DNM3: variants seen among roughly 807,000 people sequenced by gnomAD.
DNM3 encodes the protein dynamin-3.
Under a neutral mutation model 101.6 loss-of-function variants are expected in DNM3, and 47 were observed. The observed-to-expected ratio is 0.46, with a 90% CI of 0.37 to 0.59. The LOEUF (loss-of-function observed/expected upper bound fraction) is 0.59, where lower values mean the gene tolerates loss of function less well. Ranked by LOEUF, DNM3 falls within the 20% of genes least tolerant of loss-of-function variation. DNM3 has a pLI of 0.00. For synonymous variants in DNM3, 385 were observed against 387.9 expected (o/e 0.99, Z 0.09); for missense variants, 849 against 1,085.7 (o/e 0.78, Z 3.06).
chr1:171,968,747 C>A (rs781210911), intron 2 of DNM3, among the ~76,000 whole-genome samples: 4 of 152,034 alleles, frequency 2.6e-5, no homozygotes, highest in Non-Finnish European at 5.9e-5. Flanking sequence ...AGCGAAAGTC[C>A]AGTCTTCTGT....
intron 14 of DNM3, among the ~76,000 whole-genome samples, chr1:172,199,534 G>A (rs797008240): frequency 6.6e-5 from 10 of 152,186 alleles, no homozygotes; most frequent in African/African-American, 1.4e-4. Context: ...ATTATCATGT[G>A]GGAGTCTATG....
intron 15 of DNM3, among the ~76,000 whole-genome samples, chr1:172,295,030 A>C (rs1485684191): frequency 6.6e-6 from 1 of 152,208 alleles, no homozygotes; most frequent in Non-Finnish European, 1.5e-5. Flanking sequence ...TCAAAGACAC[A>C]GAAAAGTAGA....
chr1:172,246,446 A>C (rs551878897), intron 14 of DNM3, among the ~76,000 whole-genome samples: 25 of 152,292 alleles, frequency 1.6e-4, no homozygotes, highest in African/African-American at 5.8e-4. Flanking sequence ...AAAGACAAGA[A>C]GGCTGGAAAA....
intron 13 of DNM3, 122 bp from the exon 14 acceptor site, chr1:172,131,053 G>A: frequency 3.7e-6 from 3 of 816,908 alleles, no homozygotes; most frequent in Non-Finnish European, 6.0e-6. Flanking sequence ...AGTTGAGTTT[G>A]GAGGGAAAAT....
At chr1:172,207,722 A>G (rs545348862) in intron 14 of DNM3, among the ~76,000 whole-genome samples, 34 of 152,230 alleles carry the variant, frequency 2.2e-4, no homozygotes, top group Non-Finnish European at 3.8e-4. Flanking sequence ...GTTGTCGTAG[A>G]TATTTCAGTT....
At chr1:171,940,300 T>C (rs1004231915) in intron 2 of DNM3, among the ~76,000 whole-genome samples, 2 of 152,230 alleles carry the variant, frequency 1.3e-5, no homozygotes, top group Non-Finnish European at 2.9e-5. Context: ...GTTTCATAAA[T>C]TTTTATCTTT....
At chr1:171,951,533 C>T (rs2042525993) in intron 2 of DNM3, among the ~76,000 whole-genome samples, 2 of 152,138 alleles carry the variant, frequency 1.3e-5, no homozygotes, top group Admixed American at 6.6e-5. Context: ...CTCTAGTGGT[C>T]AATGAGCATC....
rs770479520 is a variant in DNM3, at chr1:171,988,953, C to T, written c.394C>T (p.Leu132=). ...LRVYSPHVLN[L]TLIDLPGITK... ...TTATCCTTTCCACACAGTGTTAAAT[C>T]TAACCCTTATTGATCTACCTGGAAT... The change falls in exon 4 of 21, where the codon CTA becomes TTA. Residue 132 remains leucine (L), a synonymous_variant. Coordinates refer to ENST00000627582, the MANE Select transcript of DNM3 (RefSeq NM_015569.5). 3.1e-6 allele frequency: 5 copies of T among 1,588,306 alleles called. No individual in the cohort carries two copies. Among genetic ancestry groups the T allele is most frequent in the Non-Finnish European group, 4.3e-6 (5 of 1,166,246 alleles).
chr1:172,340,031 C>T (rs1042003477), intron 17 of DNM3, among the ~76,000 whole-genome samples: 2 of 152,064 alleles, frequency 1.3e-5, no homozygotes, highest in Non-Finnish European at 1.5e-5. Context: ...TATGAAAGGT[C>T]AGAGTGGTGT....
chr1:172,143,773 CCTGATTTACT>C (rs780563560), intron 14 of DNM3, among the ~76,000 whole-genome samples: 7 of 151,976 alleles, frequency 4.6e-5, no homozygotes, highest in Non-Finnish European at 8.8e-5. Flanking sequence ...GTTTTTATTC[CCTGATTTACT>C]CAGTTGCTGA....
At chr1:171,950,952 TCTC>T (rs987272020) in intron 2 of DNM3, among the ~76,000 whole-genome samples, 2 of 152,176 alleles carry the variant, frequency 1.3e-5, no homozygotes, top group South Asian at 2.1e-4. Flanking sequence ...TCCTCCTCCT[TCTC>T]CTCCTCTTCC....
chr1:172,005,540 G>T (rs185391109), intron 4 of DNM3, among the ~76,000 whole-genome samples: 2 of 151,894 alleles, frequency 1.3e-5, no homozygotes, highest in African/African-American at 4.8e-5. Context: ...AAGGCTCCTT[G>T]CACATTGATG....
intron 4 of DNM3, among the ~76,000 whole-genome samples, chr1:172,030,013 A>C (rs1308452193): frequency 1.3e-5 from 2 of 152,230 alleles, no homozygotes; most frequent in Non-Finnish European, 2.9e-5. Context: ...TGCTACCTCT[A>C]TCAAGCTACC....
intron 14 of DNM3, among the ~76,000 whole-genome samples, chr1:172,217,237 C>A (rs2060733636): frequency 6.6e-6 from 1 of 152,038 alleles, no homozygotes; most frequent in South Asian, 2.1e-4. Flanking sequence ...GTGGAGAAAT[C>A]TTTCTGAGCT....
chr1:171,995,515 C>T (rs2045941871), intron 4 of DNM3, among the ~76,000 whole-genome samples: 1 of 151,718 alleles, frequency 6.6e-6, no homozygotes, highest in South Asian at 2.1e-4. Flanking sequence ...TGCCAGTGTT[C>T]TTTCTTACTG....
chr1:172,134,657 G>A (rs60895830), intron 14 of DNM3, among the ~76,000 whole-genome samples: 2,122 of 152,218 alleles, frequency 0.014, 45 homozygotes, highest in African/African-American at 0.048. Flanking sequence ...TCTTATGAAG[G>A]CTCTTTCCCA....
intron 17 of DNM3, among the ~76,000 whole-genome samples, chr1:172,347,586 G>C (rs528504655): frequency 6.6e-6 from 1 of 152,136 alleles, no homozygotes; most frequent in Non-Finnish European, 1.5e-5. Flanking sequence ...CAGAGAATTA[G>C]TAAACTGGAA....
intron 1 of DNM3, among the ~76,000 whole-genome samples, chr1:171,903,450 T>C (rs1254601522): frequency 6.6e-6 from 1 of 152,216 alleles, no homozygotes; most frequent in Admixed American, 6.5e-5. Context: ...CACCTTACTT[T>C]CTTTTTCCAC....
At chr1:172,216,038 CA>C (rs2060687605) in intron 14 of DNM3, among the ~76,000 whole-genome samples, 2 of 145,188 alleles carry the variant, frequency 1.4e-5, no homozygotes, top group South Asian at 2.2e-4. Flanking sequence ...GGGACCAGAT[CA>C]GGGGTAGAAC....
Sources: allele counts gnomAD v4.1 joint callset (sites outside exome capture counted in the v4.1 genomes callset), GRCh38; gene constraint gnomAD v4.1.1; transcripts MANE v1.5; gene names NCBI Gene and HGNC (gene_info 2026-07-23, HGNC 2026-07-21).